The following BCR variants were observed in gnomAD, a reference collection of about 807,000 sequenced individuals.
BCR encodes BCR activator of RhoGEF and GTPase, also known as breakpoint cluster region protein.
In BCR, 58 loss-of-function variants were observed where a neutral mutation model predicts 138.6. The observed-to-expected ratio is 0.42, with a 90% confidence interval of 0.34 to 0.52. BCR has a LOEUF of 0.52. Ranked by LOEUF, BCR falls within the 20% of genes least tolerant of loss-of-function variation. The pLI is 0.06. For missense variants in BCR, 1,599 were observed against 1,727.2 expected, an observed-to-expected ratio of 0.93 and a Z score of 1.32; for synonymous variants, 786 against 730.1, an observed-to-expected ratio of 1.08 and a Z score of -1.23.
At chr22:23,187,678 C>A (rs865871488) in intron 1 of BCR, among the ~76,000 whole-genome samples, 2 of 151,976 alleles carry the variant, frequency 1.3e-5, no homozygotes, top group African/African-American at 4.8e-5. Flanking sequence ...AATAATTGTA[C>A]CTATTTAGAG....
Position 23,271,543 on chromosome 22 carries a change from C to T in BCR, c.1872C>T (p.Ala624=). The T allele has an allele frequency of 6.2e-7, 1 of 1,614,084 alleles. No individual in the cohort carries two copies. Among genetic ancestry groups the T allele is most frequent in the Non-Finnish European group, 8.5e-7 (1 of 1,180,020 alleles). The change falls in exon 6 of 23, where the codon GCC becomes GCT. Residue 624 remains alanine, a synonymous_variant. Transcript: ENST00000305877. ...QFAEISENLR[A]RSNKDAKDPT... ...TTTTCTCTCTGCAGAACCTGAGAGC[C>T]AGAAGCAACAAAGATGCCAAGGATC...
At chr22:23,233,284 G>A (rs956196059) in intron 1 of BCR, among the ~76,000 whole-genome samples, 10 of 152,180 alleles carry the variant, frequency 6.6e-5, no homozygotes, top group African/African-American at 1.9e-4. Flanking sequence ...GCATCTCCAC[G>A]CCACTCCTGC....
At chr22:23,219,724 C>G (rs759957000) in intron 1 of BCR, among the ~76,000 whole-genome samples, 1 of 152,226 alleles carries the variant, frequency 6.6e-6, no homozygotes, top group Non-Finnish European at 1.5e-5. Flanking sequence ...ACCCCCTCTC[C>G]TTGCCTAGAA....
chr22:23,303,460 C>G (rs1306264328), intron 16 of BCR, among the ~76,000 whole-genome samples: 2 of 152,164 alleles, frequency 1.3e-5, no homozygotes, highest in Admixed American at 6.5e-5. Flanking sequence ...AGGGGGGTCT[C>G]TGATGTGCCT....
chr22:23,314,531 C>G (rs149026671), intron 21 of BCR, 21 bp from the exon 22 acceptor site: 3 of 1,611,786 alleles, frequency 1.9e-6, no homozygotes, highest in Non-Finnish European at 2.5e-6. Flanking sequence ...AAACAGCACC[C>G]GCTGCTTTGG....
At chr22:23,260,898 A>T (rs2073349310) in intron 2 of BCR, 52 bp from the exon 3 acceptor site, 1 of 1,556,810 alleles carries the variant, frequency 6.4e-7, no homozygotes, top group Non-Finnish European at 8.9e-7. Context: ...GCCCTGATGG[A>T]AGAATCCCCC....
rs184375827 is a variant in BCR at position 23,296,565 on chromosome 22, C to G, written c.3012+1410C>G. Among the ~76,000 whole-genome samples, 302 of 152,246 alleles carry G rather than the reference C, an allele frequency of 2.0e-3. 3 individuals carry two copies. The highest frequency in any genetic ancestry group is 7.1e-3 in the African/African-American group (294 of 41,532). ...GCTGGCCACATCTTCGGAGGTGCAG[C>G]TACTGCCTGTTTTTCTGCCTTGGAA... is the stretch of plus-strand genomic sequence containing the variant. On this transcript the variant is annotated intron_variant, in intron 16 of 22. Coordinates refer to ENST00000305877, the MANE Select transcript of BCR (RefSeq NM_004327.4).
intron 1 of BCR, among the ~76,000 whole-genome samples, chr22:23,192,439 C>T (rs1277788100): frequency 6.6e-6 from 1 of 152,168 alleles, no homozygotes; most frequent in East Asian, 1.9e-4. Flanking sequence ...AGATGGTGCT[C>T]AGTACAGTCA....
intron 6 of BCR, 128 bp from the exon 7 acceptor site, chr22:23,272,953 C>T: frequency 1.0e-6 from 1 of 973,964 alleles, no homozygotes; most frequent in East Asian, 2.5e-5. Context: ...TGTCACTGCG[C>T]AGAGGGGAGA....
In BCR at chr22:23,247,014, C is replaced by G. The variant is rs183502301; in HGVS notation, c.1280-6785C>G. Among the ~76,000 whole-genome samples the G allele has an allele frequency of 3.4e-3, 515 of 152,162 alleles. 4 individuals carry two copies. Among genetic ancestry groups the G allele is most frequent in the African/African-American group, 0.012 (487 of 41,518 alleles). On this transcript the variant is annotated intron_variant, in intron 1 of 22. Transcript: ENST00000305877. ...GCCAGCTCCGACTGTGGACTCTGCA[C>G]CCTTCATGAGACCCGAACCTCTGTC...
chr22:23,267,602 G>T (rs988797596), intron 4 of BCR, among the ~76,000 whole-genome samples: 1 of 152,200 alleles, frequency 6.6e-6, no homozygotes, highest in African/African-American at 2.4e-5. Flanking sequence ...GGAGTCTCCA[G>T]CCCTGACCAG....
intron 1 of BCR, among the ~76,000 whole-genome samples, chr22:23,233,134 A>G (rs893056011): frequency 1.3e-5 from 2 of 152,124 alleles, no homozygotes; most frequent in Non-Finnish European, 1.5e-5. Context: ...ACCCCTTGGC[A>G]TCTCCAGGCA....
At chr22:23,286,222 G>T (rs78320650) in intron 10 of BCR, among the ~76,000 whole-genome samples, 1,917 of 152,306 alleles carry the variant, frequency 0.013, 37 homozygotes, top group African/African-American at 0.044. Flanking sequence ...CCTGCCCTTG[G>T]TTTTTTCCAG....
At chr22:23,292,415 G>A in intron 14 of BCR, 126 bp from the exon 15 acceptor site, 1 of 771,766 alleles carries the variant, frequency 1.3e-6, no homozygotes, top group Non-Finnish European at 2.1e-6. Flanking sequence ...TTTTTAAAAA[G>A]AAAGTTACAA....
Position 23,253,955 on chromosome 22 carries a change from C to G in BCR, c.1436C>G (p.Ser479Trp), listed in dbSNP as rs760814778. ...KGRGSRDALVSGALESTKASE... is the reference protein window; with the variant it reads ...KGRGSRDALVWGALESTKASE... ...AGGGGCAGCCGGGATGCGCTGGTCT[C>G]GGGAGCCCTGGAGTCCACTAAAGCG... The change falls in exon 2 of 23, where the codon TCG becomes TGG. Residue 479 changes from serine (S) to tryptophan (W), a missense_variant. Transcript: ENST00000305877. The G allele has an allele frequency of 6.2e-7, 1 of 1,612,666 alleles. No individual in the cohort carries two copies. Among genetic ancestry groups the G allele is most frequent in the Non-Finnish European group, 8.5e-7 (1 of 1,179,826 alleles).
intron 1 of BCR, among the ~76,000 whole-genome samples, chr22:23,244,799 T>C (rs563340450): frequency 3.9e-5 from 6 of 152,310 alleles, no homozygotes; most frequent in African/African-American, 1.2e-4. Flanking sequence ...AACTGTATCA[T>C]CCTGGGGCGG....
intron 14 of BCR, 55 bp from the exon 15 acceptor site, chr22:23,292,486 T>C: frequency 1.6e-6 from 2 of 1,252,166 alleles, no homozygotes; most frequent in Middle Eastern, 1.9e-4. Context: ...TTACAGACCA[T>C]GTGGGTGATG....
At chr22:23,244,669 T>C (rs1055583471) in intron 1 of BCR, among the ~76,000 whole-genome samples, 2 of 152,212 alleles carry the variant, frequency 1.3e-5, no homozygotes, top group Non-Finnish European at 2.9e-5. Context: ...CCCAGCACAG[T>C]GTCCTGCACG....
Position 23,285,263 on chromosome 22 carries a change from A to T in BCR, c.2406+62A>T, listed in dbSNP as rs996690416. The T allele has an allele frequency of 1.1e-4, 161 of 1,524,522 alleles. 1 individual carries two copies. The highest frequency in any genetic ancestry group is 4.7e-4 in the Middle Eastern group (2 of 4,264). 94.4% of individuals were successfully genotyped at this position (1,524,522 alleles called of 1,614,324 possible). On this transcript the variant is annotated intron_variant, in intron 10 of 22. Transcript: ENST00000305877. ...GTCAGAGTGGCAGCAGCCCCCGCAC[A>T]CGGCCAGTGGGTGCTTTCTCCGTCA...
Sources: allele counts gnomAD v4.1 joint callset (sites outside exome capture counted in the v4.1 genomes callset), GRCh38; gene constraint gnomAD v4.1.1; transcripts MANE v1.5; gene names NCBI Gene and HGNC (gene_info 2026-07-23, HGNC 2026-07-21).